SLC39A10: variants seen among roughly 807,000 people sequenced by gnomAD.
The protein encoded by SLC39A10 is zinc transporter ZIP10.
A neutral mutation model predicts 65.1 loss-of-function variants in SLC39A10; 13 were observed. The observed-to-expected ratio is 0.20, with a 90% CI of 0.13 to 0.32. The LOEUF (loss-of-function observed/expected upper bound fraction) is 0.32, where lower values mean the gene tolerates loss of function less well. Among genes scored for constraint, SLC39A10 ranks in the 10% least tolerant of loss-of-function variants. The pLI is 1.00. For synonymous variants in SLC39A10, 321 were observed against 342.2 expected, an observed-to-expected ratio of 0.94 and a Z score of 0.68; for missense variants, 831 against 1,018.4, an observed-to-expected ratio of 0.82 and a Z score of 2.50.
At chr2:195,726,201 G>A (rs1320110424) in intron 8 of SLC39A10, among the ~76,000 whole-genome samples, 2 of 152,094 alleles carry the variant, frequency 1.3e-5, no homozygotes, top group African/African-American at 4.8e-5. Context: ...CAACAAAGTT[G>A]GTGTATTTTG....
intron 3 of SLC39A10, among the ~76,000 whole-genome samples, chr2:195,705,705 G>T (rs1231809627): frequency 1.3e-5 from 2 of 152,026 alleles, no homozygotes; most frequent in African/African-American, 4.8e-5. Flanking sequence ...TCTTCAGTGA[G>T]ATTTTCTGTA....
At chr2:195,613,842 A>G (rs1318535602) in intron 2 of SLC39A10, among the ~76,000 whole-genome samples, 5 of 152,358 alleles carry the variant, frequency 3.3e-5, no homozygotes, top group South Asian at 2.1e-4. Flanking sequence ...GCTAATATTT[A>G]TTATTCTTTG....
At chr2:195,629,969 C>A (rs541549317) in intron 2 of SLC39A10, among the ~76,000 whole-genome samples, 15 of 152,056 alleles carry the variant, frequency 9.9e-5, no homozygotes, top group Admixed American at 4.6e-4. Flanking sequence ...GTCCTAGGCT[C>A]AAATGATCTG....
At chr2:195,622,507 T>C (rs1688370490) in intron 2 of SLC39A10, among the ~76,000 whole-genome samples, 1 of 152,256 alleles carries the variant, frequency 6.6e-6, no homozygotes, top group Non-Finnish European at 1.5e-5. Flanking sequence ...GAATATTTTC[T>C]GTTTGAGGCC....
chr2:195,696,626 G>A (rs1024335752), intron 3 of SLC39A10, among the ~76,000 whole-genome samples: 1 of 151,964 alleles, frequency 6.6e-6, no homozygotes, highest in Non-Finnish European at 1.5e-5. Context: ...GCTAATCCCC[G>A]TGTAGTCGAA....
intron 1 of SLC39A10, among the ~76,000 whole-genome samples, chr2:195,676,073 T>C (rs1690077079): frequency 6.6e-6 from 1 of 152,162 alleles, no homozygotes; most frequent in Non-Finnish European, 1.5e-5. Context: ...AGTGGAGTTT[T>C]TTTATTACTA....
intron 2 of SLC39A10, among the ~76,000 whole-genome samples, chr2:195,617,961 A>T (rs62203573): frequency 5.4e-5 from 8 of 149,310 alleles, no homozygotes; most frequent in South Asian, 2.2e-4. Context: ...GGATGGTCTC[A>T]ATCTCCAGAC....
intron 3 of SLC39A10, among the ~76,000 whole-genome samples, chr2:195,694,485 G>T (rs1317219913): frequency 6.6e-6 from 1 of 152,070 alleles, no homozygotes; most frequent in Non-Finnish European, 1.5e-5. Context: ...CTTTCCTTAG[G>T]GGAGACCTGA....
At chr2:195,719,064 TA>T (rs1226550841) in intron 8 of SLC39A10, among the ~76,000 whole-genome samples, 3 of 152,082 alleles carry the variant, frequency 2.0e-5, no homozygotes, top group South Asian at 2.1e-4. Flanking sequence ...TTTTTTCATT[TA>T]AAAAAATGTT....
intron 8 of SLC39A10, among the ~76,000 whole-genome samples, chr2:195,724,627 C>G (rs963246677): frequency 6.6e-6 from 1 of 152,052 alleles, no homozygotes; most frequent in Non-Finnish European, 1.5e-5. Context: ...TTAAATCTAA[C>G]AATATGCATA....
chr2:195,624,938 C>G (rs1310878099), intron 2 of SLC39A10, among the ~76,000 whole-genome samples: 5 of 145,804 alleles, frequency 3.4e-5, no homozygotes, highest in Admixed American at 2.8e-4. Flanking sequence ...AGGGGCCGGG[C>G]GCAGTGACTC....
chr2:195,657,184 A>T (rs1211967323), upstream of SLC39A10: 1 of 168,898 alleles, frequency 5.9e-6, no homozygotes, highest in Non-Finnish European at 1.2e-5. Context: ...GGTTTCTGCG[A>T]CGCAGTTAGC....
upstream of SLC39A10, among the ~76,000 whole-genome samples, chr2:195,655,444 G>A (rs1375622768): frequency 3.3e-5 from 5 of 152,074 alleles, no homozygotes. Flanking sequence ...ATGTTTTAAG[G>A]GTGTTGATAA....
chr2:195,723,681 A>G (rs1173753375), intron 8 of SLC39A10, among the ~76,000 whole-genome samples: 2 of 152,120 alleles, frequency 1.3e-5, no homozygotes, highest in African/African-American at 2.4e-5. Flanking sequence ...GTCTATCACA[A>G]TTTCCCAAAC....
upstream of SLC39A10, among the ~76,000 whole-genome samples, chr2:195,652,878 A>G (rs998053371): frequency 6.6e-6 from 1 of 152,188 alleles, no homozygotes; most frequent in Admixed American, 6.5e-5. Flanking sequence ...TGTCAGATCA[A>G]TGGTGGCATT....
At chr2:195,698,747 A>G (rs1691071650) in intron 3 of SLC39A10, among the ~76,000 whole-genome samples, 1 of 151,408 alleles carries the variant, frequency 6.6e-6, no homozygotes, top group Admixed American at 6.6e-5. Context: ...ATCTGTGTTC[A>G]TAAGGGATAT....
At chr2:195,616,624 G>A (rs772590790) in intron 2 of SLC39A10, among the ~76,000 whole-genome samples, 4 of 151,024 alleles carry the variant, frequency 2.6e-5, no homozygotes, top group Middle Eastern at 3.4e-3. Flanking sequence ...CTTGTTATGA[G>A]TGAAGTTGAA....
rs1423725182 is a variant in SLC39A10 at position 195,635,699 on chromosome 2, C to CT, written c.-12+29466_-12+29467insT. On this transcript the variant is annotated intron_variant, in intron 2 of 2. Coordinates refer to the SLC39A10 transcript ENST00000458054. ...TGAAATGATTGCTTTTTTTGTGGAA[C>CT]CCCCCCCACTTTTTTTTTTTTTTAC... Among the ~76,000 whole-genome samples the CT allele has an allele frequency of 9.6e-5, 4 of 41,642 alleles. No individual in the cohort carries two copies. In the East Asian group the frequency reaches 0.011, roughly 120 times the overall value. The allele number at this position is 41,642 out of a possible 152,430, so 27.3% of individuals were successfully genotyped here. A position where few individuals can be genotyped will look rare whatever the true frequency, so the allele number is the denominator to read the frequency against.
intron 5 of SLC39A10, 109 bp from the exon 6 acceptor site, chr2:195,713,324 A>G: frequency 3.4e-6 from 3 of 878,380 alleles, no homozygotes; most frequent in Non-Finnish European, 3.2e-6. Flanking sequence ...TAATTTATAT[A>G]TAAAGTTAAC....
Sources: allele counts gnomAD v4.1 joint callset (sites outside exome capture counted in the v4.1 genomes callset), GRCh38; gene constraint gnomAD v4.1.1; transcripts MANE v1.5; gene names NCBI Gene and HGNC (gene_info 2026-07-23, HGNC 2026-07-21).